UQCC1: variants seen among roughly 807,000 people sequenced by gnomAD.
The protein encoded by UQCC1 is bFGF-repressed Zic-binding protein.
A neutral mutation model predicts 48.0 loss-of-function variants in UQCC1; 38 were observed. The ratio of observed to expected loss-of-function variants is 0.79; its 90% CI spans 0.61 to 1.04. UQCC1 has a LOEUF of 1.04. Ranked by LOEUF, UQCC1 falls within the 50% of genes least tolerant of loss-of-function variation. The pLI is 0.00. For missense variants in UQCC1, 368 were observed against 381.8 expected (o/e 0.96, Z 0.30); for synonymous variants, 111 against 129.2 (o/e 0.86, Z 0.95).
chr20:35,360,460 C>T (rs952466657), intron 6 of UQCC1, among the ~76,000 whole-genome samples: 3 of 152,206 alleles, frequency 2.0e-5, no homozygotes, highest in Non-Finnish European at 4.4e-5. Context: ...AAGGCTTCTT[C>T]CCTTCAGCTT....
intron 6 of UQCC1, among the ~76,000 whole-genome samples, chr20:35,364,895 T>C (rs2061649580): frequency 6.6e-6 from 1 of 152,228 alleles, no homozygotes. Context: ...ATAAAGAGTC[T>C]TTCATACAGG....
intron 1 of UQCC1, among the ~76,000 whole-genome samples, chr20:35,403,917 G>C (rs181915043): frequency 5.3e-5 from 8 of 152,086 alleles, no homozygotes; most frequent in Non-Finnish European, 1.0e-4. Flanking sequence ...GTCGTGGGGT[G>C]GGGGGAGCGG....
chr20:35,311,551 T>C (rs2060994748), intron 8 of UQCC1, among the ~76,000 whole-genome samples: 1 of 152,214 alleles, frequency 6.6e-6, no homozygotes, highest in Non-Finnish European at 1.5e-5. Context: ...TGACTCCAAG[T>C]GTGGTCTGCA....
At chr20:35,392,158 C>T (rs1013371589) in intron 2 of UQCC1, 4 of 1,055,144 alleles carry the variant, frequency 3.8e-6, no homozygotes, top group African/African-American at 3.3e-5. Flanking sequence ...GCAGCTCACA[C>T]ATCCCATTAT....
chr20:35,372,143 C>G (rs796973783), intron 5 of UQCC1, among the ~76,000 whole-genome samples: 3 of 151,878 alleles, frequency 2.0e-5, no homozygotes, highest in Non-Finnish European at 4.4e-5. Context: ...AACCTCGTCT[C>G]TACTAAAAGT....
At chr20:35,410,704 C>CAAAA (rs1183843739) in intron 1 of UQCC1, among the ~76,000 whole-genome samples, 41 of 2,700 alleles carry the variant, frequency 0.015, 10 homozygotes, top group South Asian at 0.029. Flanking sequence ...GACTCTGCCT[C>CAAAA]AAAAAAAAAA....
chr20:35,351,413 T>C (rs968768965), intron 6 of UQCC1, among the ~76,000 whole-genome samples: 12 of 149,158 alleles, frequency 8.0e-5, no homozygotes, highest in African/African-American at 3.0e-4. Context: ...AAAAAAGCAC[T>C]TTGTGACAAT....
At chr20:35,368,650 T>C (rs957546271) in intron 5 of UQCC1, among the ~76,000 whole-genome samples, 1 of 152,130 alleles carries the variant, frequency 6.6e-6, no homozygotes, top group African/African-American at 2.4e-5. Context: ...TAATCCTCAT[T>C]TTAGAGATGA....
intron 1 of UQCC1, among the ~76,000 whole-genome samples, chr20:35,403,921 G>A (rs973207283): frequency 6.6e-6 from 1 of 152,120 alleles, no homozygotes; most frequent in Non-Finnish European, 1.5e-5. Context: ...TGGGGTGGGG[G>A]GAGCGGGGAG....
chr20:35,325,237 G>A (rs149141669), intron 7 of UQCC1, among the ~76,000 whole-genome samples: 30 of 152,298 alleles, frequency 2.0e-4, no homozygotes, highest in African/African-American at 7.0e-4. Flanking sequence ...TTTTGTTGGG[G>A]ATAATGAAAA....
intron 1 of UQCC1, among the ~76,000 whole-genome samples, chr20:35,407,371 T>C (rs1232031450): frequency 6.6e-6 from 1 of 151,408 alleles, no homozygotes; most frequent in Non-Finnish European, 1.5e-5. Flanking sequence ...GGGGCTGCAG[T>C]GAGTCTAGAT....
intron 2 of UQCC1, among the ~76,000 whole-genome samples, chr20:35,385,366 G>A (rs891806731): frequency 3.3e-5 from 5 of 152,144 alleles, no homozygotes; most frequent in East Asian, 1.9e-4. Flanking sequence ...TAAAATAGCC[G>A]TTATTATGTG....
intron 7 of UQCC1, among the ~76,000 whole-genome samples, chr20:35,330,537 A>G (rs1253922275): frequency 6.6e-6 from 1 of 152,220 alleles, no homozygotes; most frequent in Non-Finnish European, 1.5e-5. Context: ...ATAGTTCCTG[A>G]GGATCATCAC....
chr20:35,346,705 C>T (rs1476461127), intron 7 of UQCC1: 1 of 249,252 alleles, frequency 4.0e-6, no homozygotes, highest in Non-Finnish European at 7.8e-6. Context: ...TCTTACCAGA[C>T]TCTTCTAGGT....
chr20:35,325,562 A>G (rs2061183384), intron 7 of UQCC1, among the ~76,000 whole-genome samples: 1 of 152,260 alleles, frequency 6.6e-6, no homozygotes, highest in Non-Finnish European at 1.5e-5. Context: ...ATGTTTGATA[A>G]GCACGTATTG....
At chr20:35,404,369 C>CA (rs74173950) in intron 1 of UQCC1, among the ~76,000 whole-genome samples, 47 of 124,024 alleles carry the variant, frequency 3.8e-4, no homozygotes, top group African/African-American at 4.3e-4. Flanking sequence ...GACTCCGTCT[C>CA]AAAAAAAAAA....
chr20:35,303,911 G>T lies in UQCC1; in HGVS notation c.*24C>A, dbSNP rs374200132. Reference sequence around the variant, plus strand: ...TGGAGGTTCCTCGAAGCCAGCTGGCGGGCCGTGCGGAGGGCCCAGCCCATC... The same window carrying T: ...TGGAGGTTCCTCGAAGCCAGCTGGCTGGCCGTGCGGAGGGCCCAGCCCATC... On this transcript the variant is annotated 3_prime_UTR_variant, in exon 10 of 10. Coordinates refer to ENST00000374385, the MANE Select transcript of UQCC1 (RefSeq NM_018244.5). 9 of 1,613,944 alleles carry T rather than the reference G, an allele frequency of 5.6e-6. No individual in the cohort carries two copies. In the East Asian group the frequency reaches 1.1e-4, roughly 20 times the overall value.
In UQCC1 at chr20:35,401,325, T is replaced by C. The variant is rs1399727172; in HGVS notation, c.25-7129A>G. 2.0e-5 allele frequency among the ~76,000 whole-genome samples: 3 copies of C among 152,200 alleles called. No individual in the cohort carries two copies. The East Asian group carries it at 5.8e-4, about 29-fold the overall frequency. Reference sequence around the variant, plus strand: ...CCTTCTCGCACTCAGCAATGCTAGATAGCGTTTCCATACTACACTTGGGTG... The same window carrying C: ...CCTTCTCGCACTCAGCAATGCTAGACAGCGTTTCCATACTACACTTGGGTG... On this transcript the variant is annotated intron_variant, in intron 1 of 9. Transcript: ENST00000374385.
chr20:35,338,999 C>T (rs1395540115), intron 7 of UQCC1, among the ~76,000 whole-genome samples: 1 of 145,570 alleles, frequency 6.9e-6, no homozygotes, highest in East Asian at 2.0e-4. Flanking sequence ...GTCTGACATT[C>T]CAAGGTTCAT....
Sources: allele counts gnomAD v4.1 joint callset (sites outside exome capture counted in the v4.1 genomes callset), GRCh38; gene constraint gnomAD v4.1.1; transcripts MANE v1.5; gene names NCBI Gene and HGNC (gene_info 2026-07-23, HGNC 2026-07-21).